VDAC1: variants seen among roughly 807,000 people sequenced by gnomAD.
The protein encoded by VDAC1 is voltage dependent anion channel 1.
Under a neutral mutation model 34.7 loss-of-function variants are expected in VDAC1, and 10 were observed. The ratio of observed to expected loss-of-function variants is 0.29; its 90% CI spans 0.18 to 0.49. The LOEUF (loss-of-function observed/expected upper bound fraction) is 0.49, where lower values mean the gene tolerates loss of function less well. Ranked by LOEUF, VDAC1 falls within the 20% of genes least tolerant of loss-of-function variation. The pLI is 0.99. For missense variants in VDAC1, 230 were observed against 347.9 expected (o/e 0.66, Z 2.69); for synonymous variants, 130 against 136.0 (o/e 0.96, Z 0.30).
the VDAC1 span, among the ~76,000 whole-genome samples, chr5:134,047,738 A>G: frequency 3.3e-5 from 5 of 152,210 alleles, no homozygotes; most frequent in South Asian, 8.3e-4. Context: ...CAATGTAGAG[A>G]TGGGCAAAAC....
At chr5:134,038,919 T>C in the VDAC1 span, among the ~76,000 whole-genome samples, 3 of 131,030 alleles carry the variant, frequency 2.3e-5, no homozygotes, top group South Asian at 5.0e-4. Flanking sequence ...ATCATTGAGA[T>C]AGACACAAAA....
the VDAC1 span, among the ~76,000 whole-genome samples, chr5:134,021,813 G>A: frequency 3.3e-5 from 5 of 151,978 alleles, no homozygotes; most frequent in Admixed American, 6.6e-5. Flanking sequence ...TGTGGGGCTG[G>A]CACCTGTATT....
the VDAC1 span, among the ~76,000 whole-genome samples, chr5:134,037,440 C>A: frequency 6.6e-6 from 1 of 152,098 alleles, no homozygotes; most frequent in African/African-American, 2.4e-5. Context: ...GGCATAGCAC[C>A]CCTGATGATT....
the VDAC1 span, among the ~76,000 whole-genome samples, chr5:134,103,161 A>G: frequency 1.3e-5 from 2 of 152,058 alleles, no homozygotes; most frequent in Non-Finnish European, 2.9e-5. Flanking sequence ...TGGCTCTGTC[A>G]CCCAGGCTGG....
chr5:134,110,509 GA>G, the VDAC1 span, among the ~76,000 whole-genome samples: 1 of 152,192 alleles, frequency 6.6e-6, no homozygotes, highest in Non-Finnish European at 1.5e-5. Flanking sequence ...AACAAACAGT[GA>G]AACTACACAG....
chr5:134,026,534 A>C, the VDAC1 span, among the ~76,000 whole-genome samples: 22 of 151,762 alleles, frequency 1.4e-4, no homozygotes, highest in East Asian at 7.7e-4. Flanking sequence ...AAAAAAAAAA[A>C]AAAAACACTA....
intron 3 of VDAC1, among the ~76,000 whole-genome samples, chr5:133,991,369 GAC>G (rs1753096702): frequency 6.6e-6 from 1 of 152,220 alleles, no homozygotes; most frequent in African/African-American, 2.4e-5. Context: ...GTTGTCAGCA[GAC>G]AGCTTCCTTC....
the VDAC1 span, among the ~76,000 whole-genome samples, chr5:134,026,398 T>C: frequency 1.3e-4 from 19 of 151,252 alleles, no homozygotes; most frequent in African/African-American, 4.6e-4. Context: ...GCCTGTAGTC[T>C]CAGCTACTCG....
In VDAC1 at chr5:133,991,088, A is replaced by G; in HGVS notation, c.184T>C (p.Tyr62His). The G allele has an allele frequency of 6.2e-7, 1 of 1,613,970 alleles. No homozygotes were observed. Residue 62 changes from tyrosine to histidine, a missense_variant, in exon 4 of 9, where the codon TAC becomes CAC. Physicochemically the swap from Tyr to His is moderately conservative, Grantham distance 83 (BLOSUM62 2). Transcript: ENST00000265333. ...GTCAGGCCGTACTCAGTCCATCTGT[A>G]CTTGGTTTCCAGACTGCCCGTCACT... ...TKVTGSLETK[Y>H]RWTEYGLTFT...
intron 5 of VDAC1, among the ~76,000 whole-genome samples, chr5:133,987,622 G>C (rs932564049): frequency 6.6e-5 from 10 of 152,164 alleles, no homozygotes; most frequent in Middle Eastern, 3.2e-3. Context: ...AGGTTGCAGT[G>C]AGCCAGGATC....
chr5:133,997,098 C>T (rs763211329), intron 1 of VDAC1, among the ~76,000 whole-genome samples: 6 of 152,096 alleles, frequency 3.9e-5, no homozygotes, highest in South Asian at 2.1e-4. Context: ...CTGGCAAAAA[C>T]GTAAATAATA....
At chr5:134,027,418 G>GCCCCT in the VDAC1 span, among the ~76,000 whole-genome samples, 4 of 152,194 alleles carry the variant, frequency 2.6e-5, no homozygotes, top group Non-Finnish European at 5.9e-5. Flanking sequence ...GAGAACATGG[G>GCCCCT]GGACAAGAGA....
chr5:134,025,999 C>T, the VDAC1 span, among the ~76,000 whole-genome samples: 1 of 152,104 alleles, frequency 6.6e-6, no homozygotes, highest in African/African-American at 2.4e-5. Context: ...CGAGCCTGGC[C>T]TGGGGGAGGG....
chr5:134,094,695 C>CAA, the VDAC1 span, among the ~76,000 whole-genome samples: 23 of 68,480 alleles, frequency 3.4e-4, no homozygotes, highest in African/African-American at 9.4e-4. Context: ...GACTCCGTCT[C>CAA]AAAAAAAAAA....
chr5:134,082,788 T>C, the VDAC1 span, among the ~76,000 whole-genome samples: 1 of 152,370 alleles, frequency 6.6e-6, no homozygotes, highest in African/African-American at 2.4e-5. Flanking sequence ...TGGTACCTCA[T>C]TGTGGTTTTA....
the VDAC1 span, among the ~76,000 whole-genome samples, chr5:134,100,762 A>G: frequency 1.3e-5 from 2 of 152,244 alleles, no homozygotes; most frequent in African/African-American, 4.8e-5. Flanking sequence ...ACCCTCCAAG[A>G]AAGTGCTGTG....
chr5:134,007,184 C>T (rs1436885349), upstream of VDAC1, among the ~76,000 whole-genome samples: 1 of 150,142 alleles, frequency 6.7e-6, no homozygotes, highest in Non-Finnish European at 1.5e-5. Context: ...GCGGAGGTTG[C>T]GGTGAGCTAA....
At chr5:134,013,436 AAAAC>A in the VDAC1 span, among the ~76,000 whole-genome samples, 11 of 152,086 alleles carry the variant, frequency 7.2e-5, no homozygotes, top group Non-Finnish European at 8.8e-5. Context: ...CTGTGTCTCA[AAAAC>A]AAACAAACAA....
the VDAC1 span, among the ~76,000 whole-genome samples, chr5:134,023,866 C>T: frequency 6.6e-6 from 1 of 152,026 alleles, no homozygotes; most frequent in Admixed American, 6.6e-5. Context: ...GGCACAGTGG[C>T]TCATGCCTGT....
Sources: allele counts gnomAD v4.1 joint callset (sites outside exome capture counted in the v4.1 genomes callset), GRCh38; gene constraint gnomAD v4.1.1; transcripts MANE v1.5; gene names NCBI Gene and HGNC (gene_info 2026-07-23, HGNC 2026-07-21).